The following PRKG1 variants were observed in gnomAD, a reference collection of about 807,000 sequenced individuals.
PRKG1 encodes the protein cGMP-dependent protein kinase 1.
A neutral mutation model predicts 88.1 loss-of-function variants in PRKG1; 35 were observed. The observed-to-expected ratio is 0.40, with a 90% confidence interval of 0.30 to 0.53. PRKG1 has a LOEUF of 0.53. Among genes scored for constraint, PRKG1 ranks in the 20% least tolerant of loss-of-function variants. The pLI is 0.59. For missense variants in PRKG1, 540 were observed against 839.8 expected (o/e 0.64, Z 4.41); for synonymous variants, 303 against 292.5 (o/e 1.04, Z -0.37).
rs768186402 is a variant in PRKG1 at position 51,698,897 on chromosome 10, C to CCAGGGA, written c.593-105683_593-105682insACAGGG. 3 of 1,611,868 alleles carry CCAGGGA rather than the reference C, an allele frequency of 1.9e-6. No homozygotes were observed. The South Asian group carries it at 3.3e-5, about 18-fold the overall frequency. On this transcript the variant is annotated intron_variant, in intron 3 of 17. Transcript: ENST00000373980. ...ATTAGGTCCTGGGCAGAGCCCAGGGCCAGGGCCAGGGCCAGGGCCAGAGAC... is the reference window on the plus strand; with the variant it reads ...ATTAGGTCCTGGGCAGAGCCCAGGGCCAGGGACAGGGCCAGGGCCAGGGCCAGAGAC...
rs900510885 is a variant in PRKG1, at chr10:51,306,511, A to G, written c.478+153181A>G. ...TGGAGGGGAGGCAGAGAAAATAAAC[A>G]TGTCCATTCTGAATGCCTTTTCCTG... On this transcript the variant is annotated intron_variant, in intron 2 of 17. Coordinates refer to ENST00000373980, the MANE Select transcript of PRKG1 (RefSeq NM_006258.4). 6 of 152,304 alleles carry G rather than the reference A, an allele frequency of 3.9e-5. No individual in the cohort carries two copies. In the South Asian group the frequency reaches 1.2e-3, roughly 32 times the overall value. The allele number at this position is 152,304 out of a possible 1,614,324, so 9.4% of individuals were successfully genotyped here. A position where few individuals can be genotyped will look rare whatever the true frequency, so the allele number is the denominator to read the frequency against.
chr10:51,833,833 G>A (rs1459490093), intron 4 of PRKG1, among the ~76,000 whole-genome samples: 1 of 152,102 alleles, frequency 6.6e-6, no homozygotes, highest in Non-Finnish European at 1.5e-5. Context: ...GTTGACCAAT[G>A]TCTGCCCTTT....
chr10:51,798,785 T>C (rs749614678), intron 3 of PRKG1, among the ~76,000 whole-genome samples: 2 of 152,110 alleles, frequency 1.3e-5, no homozygotes, highest in Non-Finnish European at 2.9e-5. Context: ...ATTTTGCTCA[T>C]TGCAAATCAC....
At chr10:51,392,897 CGGGTGGG>C (rs1837459061) in intron 2 of PRKG1, among the ~76,000 whole-genome samples, 1 of 113,450 alleles carries the variant, frequency 8.8e-6, no homozygotes, top group Admixed American at 8.1e-5. Context: ...GGCGGCTGGC[CGGGTGGG>C]GGGCTGACCA....
chr10:52,264,714 C>T (rs922495326), intron 10 of PRKG1, among the ~76,000 whole-genome samples: 3 of 152,036 alleles, frequency 2.0e-5, no homozygotes, highest in African/African-American at 7.2e-5. Context: ...GCCTGGATTC[C>T]CTTATGCCTT....
At chr10:52,092,604 C>A (rs923568737) in intron 7 of PRKG1, among the ~76,000 whole-genome samples, 9 of 152,282 alleles carry the variant, frequency 5.9e-5, no homozygotes, top group Non-Finnish European at 1.2e-4. Context: ...TTGATTGATA[C>A]TTGATCCAAC....
intron 2 of PRKG1, among the ~76,000 whole-genome samples, chr10:51,456,243 T>A (rs1588975765): frequency 6.6e-6 from 1 of 152,208 alleles, no homozygotes; most frequent in Non-Finnish European, 1.5e-5. Flanking sequence ...CCGCCCCCCA[T>A]GATTTAATTA....
intron 7 of PRKG1, among the ~76,000 whole-genome samples, chr10:52,068,474 T>C (rs1010187990): frequency 6.6e-6 from 1 of 152,170 alleles, no homozygotes; most frequent in African/African-American, 2.4e-5. Context: ...GAACTTATTC[T>C]GTCATTTATT....
At chr10:51,253,530 A>G (rs1402231935) in intron 2 of PRKG1, among the ~76,000 whole-genome samples, 2 of 151,824 alleles carry the variant, frequency 1.3e-5, no homozygotes, top group Non-Finnish European at 2.9e-5. Flanking sequence ...TCTGAGTTGG[A>G]TGTTACATAT....
At chr10:51,576,432 A>G (rs536089250) in intron 3 of PRKG1, among the ~76,000 whole-genome samples, 92 of 151,978 alleles carry the variant, frequency 6.1e-4, no homozygotes, top group Non-Finnish European at 1.0e-3. Flanking sequence ...ATTATATTCT[A>G]TATCTCAAAA....
chr10:51,073,266 C>T (rs1404868509), upstream of PRKG1, among the ~76,000 whole-genome samples: 1 of 152,046 alleles, frequency 6.6e-6, no homozygotes, highest in East Asian at 1.9e-4. Flanking sequence ...GTGGGGGTGA[C>T]TGCAGTATAG....
At chr10:51,888,153 C>T (rs1841620221) in intron 4 of PRKG1, among the ~76,000 whole-genome samples, 1 of 151,896 alleles carries the variant, frequency 6.6e-6, no homozygotes, top group Admixed American at 6.6e-5. Flanking sequence ...TGGCCCAACT[C>T]ATTAAAAGAT....
chr10:51,356,200 A>G lies in PRKG1; in HGVS notation c.479-111523A>G, dbSNP rs149249638. ...GATTCTAGTAAGAGAATGTAGGTGA[A>G]CCAGAATGGTTGATGAAAATACTGC... On this transcript the variant is annotated intron_variant, in intron 2 of 17. Coordinates refer to ENST00000373980, the MANE Select transcript of PRKG1 (RefSeq NM_006258.4). Among the ~76,000 whole-genome samples, 343 of 152,154 alleles carry G rather than the reference A, an allele frequency of 2.3e-3. 1 individual carries two copies. Among genetic ancestry groups the G allele is most frequent in the African/African-American group, 7.6e-3 (317 of 41,550 alleles).
At chr10:51,455,258 C>CCCAG (rs781713810) in intron 2 of PRKG1, among the ~76,000 whole-genome samples, 1 of 152,332 alleles carries the variant, frequency 6.6e-6, no homozygotes, top group Non-Finnish European at 1.5e-5. Context: ...GGTCCTTGGG[C>CCCAG]CTAGCCCATG....
At chr10:51,555,374 G>T (rs1028706066) in intron 3 of PRKG1, among the ~76,000 whole-genome samples, 1 of 151,862 alleles carries the variant, frequency 6.6e-6, no homozygotes. Flanking sequence ...ATTGCTTGGG[G>T]ATGCTCAGTT....
intron 2 of PRKG1, among the ~76,000 whole-genome samples, chr10:51,440,743 C>T (rs1006538819): frequency 6.6e-6 from 1 of 151,820 alleles, no homozygotes. Flanking sequence ...AATGCTTCCG[C>T]CATGGTGAAA....
chr10:51,676,642 T>C (rs1554831045), intron 3 of PRKG1, among the ~76,000 whole-genome samples: 1 of 152,158 alleles, frequency 6.6e-6, no homozygotes, highest in Non-Finnish European at 1.5e-5. Flanking sequence ...TCTGTGAAAA[T>C]AAAAGTCTGC....
At position 52,135,965 on chromosome 10, in the gene PRKG1, A is replaced by C. The variant is rs146498561; in HGVS notation, c.1001+2060A>C. 6.2e-4 allele frequency among the ~76,000 whole-genome samples: 94 copies of C among 152,168 alleles called. 2 individuals carry two copies. The highest frequency in any genetic ancestry group is 3.4e-3 in the Middle Eastern group (1 of 294). ...GGGAAAGTAAAACCAGTGAAGAATAATGAGATGTTAGAAAGCAGAGCGGTG... is the reference window on the plus strand; with the variant it reads ...GGGAAAGTAAAACCAGTGAAGAATACTGAGATGTTAGAAAGCAGAGCGGTG... On this transcript the variant is annotated intron_variant, in intron 8 of 17. Transcript: ENST00000373980.
intron 5 of PRKG1, among the ~76,000 whole-genome samples, chr10:51,957,556 T>C (rs1235437863): frequency 6.6e-6 from 1 of 152,160 alleles, no homozygotes; most frequent in Non-Finnish European, 1.5e-5. Flanking sequence ...GCTTCCCCAA[T>C]TGCTGAGATT....
Sources: gnomAD v4.1 joint callset for allele counts (sites outside exome capture counted in the v4.1 genomes callset) on GRCh38, gnomAD v4.1.1 for gene constraint, MANE v1.5 for transcripts, NCBI Gene and HGNC (gene_info 2026-07-23, HGNC 2026-07-21) for gene names.